The following LIMCH1 variants were observed in gnomAD, a reference collection of about 807,000 sequenced individuals.
LIMCH1 encodes the protein LIM and calponin homology domains 1, also known as LIM and calponin homology domains-containing protein 1.
A neutral mutation model predicts 176.5 loss-of-function variants in LIMCH1; 113 were observed. That is an observed-to-expected ratio of 0.64 (90% CI 0.55 to 0.75). LIMCH1 has a LOEUF of 0.75. Ranked by LOEUF, LIMCH1 falls within the 30% of genes least tolerant of loss-of-function variation. The probability of loss-of-function intolerance (pLI) is 0.00; values close to 1 mark genes in which losing one functional copy is unlikely to be tolerated. For synonymous variants in LIMCH1, 619 were observed against 645.9 expected (o/e 0.96, Z 0.63); for missense variants, 1,674 against 1,814.9 (o/e 0.92, Z 1.41).
intron 18 of LIMCH1, among the ~76,000 whole-genome samples, chr4:41,655,094 C>A (rs1222132959): frequency 6.6e-6 from 1 of 152,148 alleles, no homozygotes; most frequent in African/African-American, 2.4e-5. Flanking sequence ...ATGTCTCCCC[C>A]AAAGCTATTC....
chr4:41,382,107 A>G (rs1040108371), intron 1 of LIMCH1, among the ~76,000 whole-genome samples: 1 of 152,250 alleles, frequency 6.6e-6, no homozygotes, highest in Admixed American at 6.5e-5. Flanking sequence ...ATACATGAGC[A>G]GTAAATGCCT....
chr4:41,406,445 C>T (rs1280206375), intron 1 of LIMCH1, among the ~76,000 whole-genome samples: 1 of 152,138 alleles, frequency 6.6e-6, no homozygotes, highest in East Asian at 1.9e-4. Flanking sequence ...GGAAATATTT[C>T]ACCATGAATG....
At chr4:41,575,333 C>T (rs1035155017) in intron 1 of LIMCH1, among the ~76,000 whole-genome samples, 1 of 152,190 alleles carries the variant, frequency 6.6e-6, no homozygotes, top group Non-Finnish European at 1.5e-5. Context: ...CAAATGCAAT[C>T]ATTCAGTAAA....
intron 1 of LIMCH1, among the ~76,000 whole-genome samples, chr4:41,564,388 A>G (rs115627098): frequency 2.9e-3 from 440 of 152,310 alleles, no homozygotes; most frequent in Non-Finnish European, 4.6e-3. Flanking sequence ...TATAATGAAA[A>G]ATAAAAGACA....
At chr4:41,591,394 A>G (rs6851015) in intron 1 of LIMCH1, among the ~76,000 whole-genome samples, 13,114 of 151,920 alleles carry the variant, frequency 0.086, 1,849 homozygotes, top group African/African-American at 0.3. Flanking sequence ...GGCATGCTCC[A>G]CCATGGCCAG....
intron 1 of LIMCH1, among the ~76,000 whole-genome samples, chr4:41,538,622 C>T (rs547506908): frequency 2.0e-5 from 3 of 150,420 alleles, no homozygotes; most frequent in South Asian, 4.2e-4. Context: ...GTACAAGACA[C>T]ATAACTCCAT....
intron 17 of LIMCH1, among the ~76,000 whole-genome samples, chr4:41,647,670 G>A (rs2094122221): frequency 6.6e-6 from 1 of 152,204 alleles, no homozygotes; most frequent in African/African-American, 2.4e-5. Context: ...AAACAGAGGT[G>A]GAATGCATCA....
Position 41,492,221 on chromosome 4 carries a change from C to T in LIMCH1, c.97-2315C>T, listed in dbSNP as rs189915156. 6.2e-3 allele frequency among the ~76,000 whole-genome samples: 939 copies of T among 152,214 alleles called. 5 individuals are homozygous for T. The highest frequency in any genetic ancestry group is 0.024 in the South Asian group (116 of 4,814). ...CTGGAGACCAGTCCGGTCAACATGG[C>T]GAAACCCCGTCTCCACCAAAAATAC... is the stretch of plus-strand genomic sequence containing the variant. On this transcript the variant is annotated intron_variant, in intron 1 of 26. Coordinates refer to the LIMCH1 transcript ENST00000313860.
intron 17 of LIMCH1, 74 bp downstream of exon 17, chr4:41,646,967 A>G: frequency 7.5e-7 from 1 of 1,324,870 alleles, no homozygotes. Context: ...TCATGACTCA[A>G]GAAAATGTCA....
chr4:41,558,993 T>G (rs565974624), intron 1 of LIMCH1, among the ~76,000 whole-genome samples: 57 of 152,280 alleles, frequency 3.7e-4, no homozygotes, highest in African/African-American at 1.3e-3. Context: ...CACCTACAGA[T>G]TTTTGTTTGG....
At chr4:41,492,172 G>A (rs184632747) in intron 1 of LIMCH1, among the ~76,000 whole-genome samples, 126 of 152,290 alleles carry the variant, frequency 8.3e-4, no homozygotes, top group Non-Finnish European at 1.4e-3. Context: ...AGGCCGAGGC[G>A]GGCAGATCAC....
intron 2 of LIMCH1, among the ~76,000 whole-genome samples, chr4:41,509,683 G>T (rs2074613768): frequency 6.6e-6 from 1 of 152,208 alleles, no homozygotes; most frequent in African/African-American, 2.4e-5. Flanking sequence ...GGCAAGAATT[G>T]AGTATCCCCA....
rs2074695905 is a variant in LIMCH1, at chr4:41,510,139, C to T, written c.168-14270C>T. 6.0e-5 allele frequency among the ~76,000 whole-genome samples: 9 copies of T among 150,024 alleles called. 1 individual carries two copies. The South Asian group carries it at 1.9e-3, about 31-fold the overall frequency. ...GCAGAATTGTCACTTGGAACCACTT[C>T]CCTCAACATGTGGCAATTCCCTCAT... On this transcript the variant is annotated intron_variant, in intron 2 of 26. Coordinates refer to the LIMCH1 transcript ENST00000313860.
intron 1 of LIMCH1, among the ~76,000 whole-genome samples, chr4:41,477,491 A>G (rs1374462846): frequency 1.3e-5 from 2 of 152,212 alleles, no homozygotes; most frequent in African/African-American, 4.8e-5. Flanking sequence ...TGAAGATTCA[A>G]TAAAAGATGC....
chr4:41,361,024 T>C, intron 1 of LIMCH1: 4 of 879,846 alleles, frequency 4.5e-6, no homozygotes, highest in South Asian at 2.0e-5. Context: ...CAGCCTTGCC[T>C]CCCCCCAACC....
At chr4:41,373,087 G>A (rs184075517) in intron 1 of LIMCH1, among the ~76,000 whole-genome samples, 9 of 152,276 alleles carry the variant, frequency 5.9e-5, no homozygotes, top group South Asian at 2.1e-4. Flanking sequence ...ACAGAATCAC[G>A]CGTGTGATGC....
intron 1 of LIMCH1, among the ~76,000 whole-genome samples, chr4:41,463,869 G>A (rs1261477850): frequency 6.6e-6 from 1 of 151,924 alleles, no homozygotes; most frequent in African/African-American, 2.4e-5. Context: ...ATGAGCCACT[G>A]TGCCCGGTCA....
At chr4:41,615,193 C>T (rs1332662907) in intron 5 of LIMCH1, among the ~76,000 whole-genome samples, 3 of 152,170 alleles carry the variant, frequency 2.0e-5, no homozygotes, top group Non-Finnish European at 2.9e-5. Context: ...CTTAACCAAA[C>T]GATTTCATAC....
At chr4:41,438,070 C>G (rs1043999308) in intron 1 of LIMCH1, among the ~76,000 whole-genome samples, 5 of 152,202 alleles carry the variant, frequency 3.3e-5, no homozygotes, top group Non-Finnish European at 7.3e-5. Flanking sequence ...TAGCTGTTTT[C>G]CCCAATCAGC....
Sources: gnomAD v4.1 joint callset for allele counts (sites outside exome capture counted in the v4.1 genomes callset) on GRCh38, gnomAD v4.1.1 for gene constraint, MANE v1.5 for transcripts, NCBI Gene and HGNC (gene_info 2026-07-23, HGNC 2026-07-21) for gene names.